Variants in CFAP44 observed in about 807,000 individuals in gnomAD.
CFAP44 encodes cilia and flagella associated protein 44, also known as cilia- and flagella-associated protein 44.
In CFAP44, 134 loss-of-function variants were observed where a neutral mutation model predicts 216.2. The ratio of observed to expected loss-of-function variants is 0.62; its 90% CI spans 0.54 to 0.72. The LOEUF (loss-of-function observed/expected upper bound fraction) is 0.72, where lower values mean the gene tolerates loss of function less well. Among genes scored for constraint, CFAP44 ranks in the 30% least tolerant of loss-of-function variants. The pLI is 0.00. For synonymous variants in CFAP44, 700 were observed against 727.6 expected, an observed-to-expected ratio of 0.96 and a Z score of 0.61; for missense variants, 2,035 against 2,182.1, an observed-to-expected ratio of 0.93 and a Z score of 1.34.
rs762360235 is a variant in CFAP44, at chr3:113,406,936, T to G, written c.996A>C (p.Pro332=). The change falls in exon 8 of 35, where the codon CCA becomes CCC. Residue 332 remains proline, a synonymous_variant. Transcript: ENST00000393845. ...TTDIEGYMEL[P]DGKVLSGSEW... ...TAGTAGCTGTACTCACCTTCCCATCTGGGAGCTCCATGTAGCCTTCTATAT... is the reference window on the plus strand; with the variant it reads ...TAGTAGCTGTACTCACCTTCCCATCGGGGAGCTCCATGTAGCCTTCTATAT... 6.2e-7 allele frequency: 1 copy of G among 1,612,992 alleles called. No homozygotes were observed. The highest frequency in any genetic ancestry group is 8.5e-7 in the Non-Finnish European group (1 of 1,179,116).
intron 22 of CFAP44, among the ~76,000 whole-genome samples, chr3:113,350,952 G>C (rs1354301270): frequency 2.0e-5 from 3 of 152,214 alleles, no homozygotes; most frequent in Non-Finnish European, 2.9e-5. Flanking sequence ...CCAGACCTAG[G>C]AGGAACTCCC....
chr3:113,412,159 G>A (rs1934496880), intron 6 of CFAP44, among the ~76,000 whole-genome samples: 1 of 152,126 alleles, frequency 6.6e-6, no homozygotes, highest in Non-Finnish European at 1.5e-5. Context: ...GGAAGTTCTG[G>A]CCGGGCAATC....
At position 113,291,474 on chromosome 3, in the gene CFAP44, T is replaced by A; in HGVS notation, c.*83A>T. 7.0e-7 allele frequency: 1 copy of A among 1,434,354 alleles called. No homozygotes were observed. Among genetic ancestry groups the A allele is most frequent in the Non-Finnish European group, 9.3e-7 (1 of 1,074,212 alleles). The allele number at this position is 1,434,354 out of a possible 1,614,324, so 88.9% of individuals were successfully genotyped here. The stretch of plus-strand genomic sequence containing the variant: ...TTCAGGCGAGTTCAGTTTAAAGTAA[T>A]AAGATTGTTGGAGGTGATGAGGAGA... On this transcript the variant is annotated 3_prime_UTR_variant, in exon 35 of 35. Transcript: ENST00000393845.
chr3:113,348,203 G>A (rs541654247), intron 22 of CFAP44, among the ~76,000 whole-genome samples: 16 of 152,020 alleles, frequency 1.1e-4, no homozygotes, highest in South Asian at 4.1e-4. Flanking sequence ...TTGGGTCGGG[G>A]GGAAGTAAAC....
At position 113,363,199 on chromosome 3, in the gene CFAP44, A is replaced by T; in HGVS notation, c.2880T>A (p.Cys960Ter). The part of the protein sequence containing the change: ...EQIKALRSEF[C>*]NLLEMNEKLP... Reference sequence around the variant, plus strand: ...ATTTTTCATTCATTTCTAATAGATTACAAAATTCACTCCTCAAAGCTTTGA... The same window carrying T: ...ATTTTTCATTCATTTCTAATAGATTTCAAAATTCACTCCTCAAAGCTTTGA... Residue 960 changes from cysteine to a stop codon, truncating the protein, a stop_gained, in exon 21 of 35, where the codon TGT (cysteine) becomes TGA (stop). Coordinates refer to ENST00000393845, the MANE Select transcript of CFAP44 (RefSeq NM_001164496.2). LOFTEE classifies it high-confidence loss of function. 6.2e-7 allele frequency: 1 copy of T among 1,613,160 alleles called. No individual in the cohort carries two copies. Among genetic ancestry groups the T allele is most frequent in the South Asian group, 1.1e-5 (1 of 90,692 alleles).
intron 22 of CFAP44, among the ~76,000 whole-genome samples, chr3:113,354,209 A>C (rs933543541): frequency 2.6e-5 from 4 of 152,202 alleles, no homozygotes; most frequent in Non-Finnish European, 4.4e-5. Context: ...GCGGATGGGG[A>C]CAGAGCATCA....
chr3:113,356,625 G>A (rs940239716), intron 22 of CFAP44, among the ~76,000 whole-genome samples: 3 of 151,306 alleles, frequency 2.0e-5, no homozygotes, highest in African/African-American at 4.8e-5. Context: ...AAAATACTAG[G>A]TCAATCGGAT....
chr3:113,297,592 A>G (rs919921909), intron 32 of CFAP44, among the ~76,000 whole-genome samples: 6 of 152,156 alleles, frequency 3.9e-5, no homozygotes, highest in Admixed American at 2.6e-4. Flanking sequence ...CTGTCTTTCC[A>G]TGGAGGCTTT....
At chr3:113,301,066 A>G (rs1949929923) in intron 32 of CFAP44, among the ~76,000 whole-genome samples, 1 of 152,174 alleles carries the variant, frequency 6.6e-6, no homozygotes, top group Non-Finnish European at 1.5e-5. Context: ...TCATAGCAGA[A>G]TCATCAAAGC....
Position 113,364,901 on chromosome 3 carries a change from C to T in CFAP44, c.2715+1138G>A, listed in dbSNP as rs115385009. On this transcript the variant is annotated intron_variant, in intron 19 of 34. Coordinates refer to ENST00000393845, the MANE Select transcript of CFAP44 (RefSeq NM_001164496.2). ...GTAAGAACCTCAGACCAGTGCTGAG[C>T]TTAGTTGTTTTCTGTTGTTTTTTTT... is the stretch of plus-strand genomic sequence containing the variant. Among the ~76,000 whole-genome samples, 1,185 of 152,008 alleles carry T rather than the reference C, an allele frequency of 7.8e-3. 11 individuals are homozygous for T. The highest frequency in any genetic ancestry group is 0.027 in the African/African-American group (1,124 of 41,424).
Position 113,330,263 on chromosome 3 carries a change from C to G in CFAP44, c.4021G>C (p.Glu1341Gln). The G allele has an allele frequency of 1.3e-6, 2 of 1,537,444 alleles. No individual in the cohort carries two copies. Among genetic ancestry groups the G allele is most frequent in the Non-Finnish European group, 1.7e-6 (2 of 1,146,938 alleles). The change falls in exon 26 of 35, where the codon GAA becomes CAA. Residue 1341 changes from glutamate to glutamine, a missense_variant. Glu to Gln is a conservative substitution (Grantham distance 29). This residue lies in a region of CFAP44 where 1,883 missense variants were observed against 2,023.7 expected (regional missense o/e 0.93). Coordinates refer to ENST00000393845, the MANE Select transcript of CFAP44 (RefSeq NM_001164496.2). Reference protein sequence around the residue: ...TFSLDIPKCLEFEKAEPTDVE... With the variant: ...TFSLDIPKCLQFEKAEPTDVE... Reference sequence around the variant, plus strand: ...TCCGTTGGCTCTGCTTTTTCAAATTCCAAACACTTTGGTATATCTAGGCTG... The same window carrying G: ...TCCGTTGGCTCTGCTTTTTCAAATTGCAAACACTTTGGTATATCTAGGCTG...
rs935838021 is a variant in CFAP44, at chr3:113,294,729, C to T, written c.5331G>A (p.Lys1777=). 1 of 1,536,008 alleles carries T rather than the reference C, an allele frequency of 6.5e-7. No individual in the cohort carries two copies. The highest frequency in any genetic ancestry group is 8.7e-7 in the Non-Finnish European group (1 of 1,146,390). ...LYQMNDLCIE[K]KKLDSRLNTL... is the part of the protein sequence containing the mutation. ...TATTCAACCGAGAATCAAGTTTCTTCTTTTCAATACACAAATCATTCATCT... is the reference window on the plus strand; with the variant it reads ...TATTCAACCGAGAATCAAGTTTCTTTTTTTCAATACACAAATCATTCATCT... The change falls in exon 34 of 35, where the codon AAG becomes AAA. Residue 1777 remains lysine (K), a synonymous_variant. Transcript: ENST00000393845.
chr3:113,396,464 A>G (rs1933992891), intron 14 of CFAP44, 54 bp downstream of exon 14: 6 of 1,561,580 alleles, frequency 3.8e-6, no homozygotes, highest in African/African-American at 1.4e-5. Flanking sequence ...AGGACTTATA[A>G]GGCAATTTAA....
intron 24 of CFAP44, among the ~76,000 whole-genome samples, chr3:113,340,328 T>A (rs1419767123): frequency 6.6e-6 from 1 of 151,982 alleles, no homozygotes; most frequent in Non-Finnish European, 1.5e-5. Context: ...AAAAAAGAGA[T>A]AAGAACCATT....
chr3:113,420,263 T>C, intron 4 of CFAP44, 84 bp from the exon 5 acceptor site: 1 of 1,357,144 alleles, frequency 7.4e-7, no homozygotes, highest in Non-Finnish European at 9.7e-7. Flanking sequence ...TTTTTAAATC[T>C]ATACTCTTAG....
Position 113,326,703 on chromosome 3 carries a change from T to C in CFAP44, c.4321-63A>G, listed in dbSNP as rs1032341324. On this transcript the variant is annotated intron_variant, in intron 27 of 34. Transcript: ENST00000393845. Reference sequence around the variant, plus strand: ...CTGATAAACCAAGTTCAGAGAGCAATGTACTTTACAATACAAGGTTACAGT... The same window carrying C: ...CTGATAAACCAAGTTCAGAGAGCAACGTACTTTACAATACAAGGTTACAGT... 14 of 1,027,498 alleles carry C rather than the reference T, an allele frequency of 1.4e-5. 1 individual carries two copies. Among genetic ancestry groups the C allele is most frequent in the African/African-American group, 6.5e-5 (4 of 61,210 alleles). The allele number at this position is 1,027,498 out of a possible 1,614,324, so 63.6% of individuals were successfully genotyped here.
At chr3:113,382,856 G>A (rs1933550522) in intron 15 of CFAP44, among the ~76,000 whole-genome samples, 1 of 152,220 alleles carries the variant, frequency 6.6e-6, no homozygotes, top group African/African-American at 2.4e-5. Flanking sequence ...GATGCTGAGA[G>A]TGAATTGGGA....
chr3:113,294,519 G>A, intron 34 of CFAP44, 168 bp downstream of exon 34: 1 of 824,410 alleles, frequency 1.2e-6, no homozygotes, highest in Non-Finnish European at 1.8e-6. Flanking sequence ...CAGGCCCACT[G>A]TAATGTGGCT....
chr3:113,378,652 C>A, intron 17 of CFAP44, among the ~76,000 whole-genome samples: 1 of 152,034 alleles, frequency 6.6e-6, no homozygotes, highest in South Asian at 2.1e-4. Flanking sequence ...TCTTGCTTTG[C>A]AGTAGATCAA....
Sources: allele counts gnomAD v4.1 joint callset (sites outside exome capture counted in the v4.1 genomes callset), GRCh38; gene constraint gnomAD v4.1.1; regional missense constraint gnomAD v4.1.1; transcripts MANE v1.5; gene names NCBI Gene and HGNC (gene_info 2026-07-23, HGNC 2026-07-21).